STRN3: variants seen among roughly 807,000 people sequenced by gnomAD.
The protein encoded by STRN3 is striatin-3.
In STRN3, 29 loss-of-function variants were observed where a neutral mutation model predicts 95.6. The observed-to-expected ratio is 0.30, with a 90% CI of 0.23 to 0.41. The LOEUF is 0.41. Ranked by LOEUF, STRN3 falls within the 10% of genes least tolerant of loss-of-function variation. STRN3 has a pLI of 1.00. For synonymous variants in STRN3, 331 were observed against 357.6 expected (o/e 0.93, Z 0.84); for missense variants, 890 against 972.1 (o/e 0.92, Z 1.12).
intron 4 of STRN3, among the ~76,000 whole-genome samples, chr14:30,947,976 G>A (rs1009858042): frequency 4.6e-5 from 7 of 152,044 alleles, no homozygotes; most frequent in Admixed American, 2.0e-4. Context: ...GCTGGCAGAA[G>A]AACAAAAGAT....
chr14:31,014,661 C>T (rs764377981), intron 1 of STRN3: 5 of 455,902 alleles, frequency 1.1e-5, no homozygotes, highest in Non-Finnish European at 2.2e-5. Context: ...AGGTGTAATG[C>T]TATCTCAAGG....
intron 3 of STRN3, 67 bp from the exon 4 acceptor site, chr14:30,951,011 T>C: frequency 1.5e-6 from 2 of 1,365,584 alleles, no homozygotes; most frequent in South Asian, 1.2e-5. Flanking sequence ...GCCAAAGTTT[T>C]CTTAGGGATA....
intron 3 of STRN3, among the ~76,000 whole-genome samples, chr14:30,953,408 T>A (rs143083948): frequency 3.3e-4 from 50 of 152,358 alleles, no homozygotes; most frequent in African/African-American, 1.2e-3. Context: ...GATTAAACCA[T>A]GTTGTCACAT....
At chr14:30,914,911 C>T (rs1896698430) in intron 9 of STRN3, among the ~76,000 whole-genome samples, 1 of 152,184 alleles carries the variant, frequency 6.6e-6, no homozygotes, top group African/African-American at 2.4e-5. Flanking sequence ...ATACATACTA[C>T]TGACCAATTA....
At chr14:30,911,413 T>C (rs572768160) in intron 12 of STRN3, among the ~76,000 whole-genome samples, 1 of 150,828 alleles carries the variant, frequency 6.6e-6, no homozygotes, top group East Asian at 2.0e-4. Flanking sequence ...GCGATTCTCC[T>C]GCCTCAGCCT....
chr14:30,903,897 T>G (rs1319228656), intron 15 of STRN3, among the ~76,000 whole-genome samples: 1 of 152,238 alleles, frequency 6.6e-6, no homozygotes, highest in Non-Finnish European at 1.5e-5. Flanking sequence ...GATCTTTTGG[T>G]GGTAATGGTA....
intron 7 of STRN3, 49 bp from the exon 8 acceptor site, chr14:30,929,360 C>T (rs778123307): frequency 6.3e-6 from 9 of 1,439,478 alleles, no homozygotes; most frequent in African/African-American, 2.8e-5. Context: ...GTTGGCAATG[C>T]AAGCTGTTGG....
chr14:30,929,954 C>CAAAAAAAAAAACAAA (rs1393194244), intron 7 of STRN3, among the ~76,000 whole-genome samples: 2 of 39,998 alleles, frequency 5.0e-5, no homozygotes, highest in African/African-American at 2.5e-4. Context: ...CTAAGATTAG[C>CAAAAAAAAAAACAAA]AAAAAAAAAA....
chr14:30,899,746 C>G (rs1190552802), intron 16 of STRN3, among the ~76,000 whole-genome samples: 1 of 151,964 alleles, frequency 6.6e-6, no homozygotes, highest in East Asian at 1.9e-4. Context: ...CACATACCCC[C>G]CCCACCCCCT....
chr14:30,922,470 T>TTACATTTTCAAATTCCGCTCAAA (rs1474871942), intron 8 of STRN3, among the ~76,000 whole-genome samples: 1 of 152,190 alleles, frequency 6.6e-6, no homozygotes, highest in Non-Finnish European at 1.5e-5. Context: ...TAGACTACTG[T>TTACATTTTCAAATTCCGCTCAAA]TACATTTTCA....
At chr14:30,921,608 T>C (rs1311018225) in intron 8 of STRN3, among the ~76,000 whole-genome samples, 8 of 152,182 alleles carry the variant, frequency 5.3e-5, no homozygotes, top group Non-Finnish European at 1.5e-5. Context: ...AACTGCAAAT[T>C]TAATGTCTTT....
chr14:30,906,628 T>TCCACTGTTATATA (rs1315065114), intron 14 of STRN3, among the ~76,000 whole-genome samples: 1 of 152,008 alleles, frequency 6.6e-6, no homozygotes. Flanking sequence ...ATTTGTCTAT[T>TCCACTGTTATATA]CCACTGTTAT....
At chr14:31,017,766 A>G in intron 1 of STRN3, among the ~76,000 whole-genome samples, 1 of 152,076 alleles carries the variant, frequency 6.6e-6, no homozygotes, top group East Asian at 1.9e-4. Context: ...GAGTGTATAC[A>G]CACAAAAGCG....
chr14:31,025,858 G>A (rs1883844037), intron 1 of STRN3, 46 bp downstream of exon 1: 3 of 1,571,462 alleles, frequency 1.9e-6, no homozygotes, highest in Non-Finnish European at 2.6e-6. Context: ...CCCCCGGCCG[G>A]GAACCCAGCC....
chr14:30,933,092 T>C (rs1249158905), intron 7 of STRN3, among the ~76,000 whole-genome samples: 1 of 150,714 alleles, frequency 6.6e-6, no homozygotes, highest in African/African-American at 2.4e-5. Context: ...CTGAGCAACA[T>C]GGCCAAACTC....
rs61745932 is a variant in STRN3 at position 30,919,051 on chromosome 14, C to A, written c.1155G>T (p.Leu385=). The A allele has an allele frequency of 1.2e-6, 2 of 1,611,692 alleles. No individual in the cohort carries two copies. ...TAATGATTCCTGAAGGGATGTGGGG[C>A]AGCTCATCATCTCCCAGATCAGCTA... ...DMIADLGDDE[L]PHIPSGIINQ... Residue 385 remains leucine (L), a synonymous_variant, in exon 9 of 18, where the codon CTG becomes CTT. Coordinates refer to ENST00000357479, the MANE Select transcript of STRN3 (RefSeq NM_001083893.2).
chr14:31,006,799 A>G (rs1169019195), intron 1 of STRN3, among the ~76,000 whole-genome samples: 1 of 152,206 alleles, frequency 6.6e-6, no homozygotes, highest in Non-Finnish European at 1.5e-5. Flanking sequence ...AAGTTCAAAG[A>G]CAGGAGAAAC....
chr14:30,965,251 A>G (rs1880426224), intron 1 of STRN3, among the ~76,000 whole-genome samples: 1 of 152,174 alleles, frequency 6.6e-6, no homozygotes, highest in African/African-American at 2.4e-5. Context: ...TGTTATAATG[A>G]AATTAGTTCT....
chr14:30,950,490 T>C (rs1465638499), intron 4 of STRN3, among the ~76,000 whole-genome samples: 2 of 152,230 alleles, frequency 1.3e-5, no homozygotes, highest in African/African-American at 2.4e-5. Flanking sequence ...GGCAATCCAC[T>C]TCTGAAAAGT....
Sources: gnomAD v4.1 joint callset for allele counts (sites outside exome capture counted in the v4.1 genomes callset) on GRCh38, gnomAD v4.1.1 for gene constraint, MANE v1.5 for transcripts, NCBI Gene and HGNC (gene_info 2026-07-23, HGNC 2026-07-21) for gene names.